TRAF2: variants seen among roughly 807,000 people sequenced by gnomAD.
TRAF2 encodes TNF receptor-associated factor 2.
TRAF2 carries 6 observed loss-of-function variants against 55.6 expected under a neutral mutation model. The ratio of observed to expected loss-of-function variants is 0.11; its 90% CI spans 0.06 to 0.21. TRAF2 has a LOEUF of 0.21. Among genes scored for constraint, TRAF2 ranks in the 10% least tolerant of loss-of-function variants. TRAF2 has a pLI of 1.00. For synonymous variants in TRAF2, 329 were observed against 276.3 expected (o/e 1.19, Z -1.89); for missense variants, 561 against 684.5 (o/e 0.82, Z 2.01).
intron 7 of TRAF2, among the ~76,000 whole-genome samples, chr9:136,917,848 C>T (rs1244313345): frequency 2.6e-5 from 4 of 152,092 alleles, no homozygotes; most frequent in Non-Finnish European, 1.5e-5. Context: ...CCCAGGCTTC[C>T]CGTGCGGGAG....
At chr9:136,886,362 T>C (rs2131267540), upstream of TRAF2, 14 of 981,152 alleles carry the variant, frequency 1.4e-5, no homozygotes, top group South Asian at 6.4e-4. Context: ...CGTCAGTCCG[T>C]CAGGCGCGCT....
chr9:136,908,454 G>A (rs755502890), intron 5 of TRAF2, among the ~76,000 whole-genome samples: 12 of 152,258 alleles, frequency 7.9e-5, no homozygotes, highest in Non-Finnish European at 1.2e-4. Context: ...CGGGCACGGC[G>A]GCTCACGCCT....
intron 2 of TRAF2, 118 bp from the exon 3 acceptor site, chr9:136,899,476 T>C: frequency 1.2e-6 from 1 of 848,450 alleles, no homozygotes; most frequent in South Asian, 1.7e-5. Context: ...TTGGTTTCAC[T>C]AAGGATGAGA....
intron 10 of TRAF2, among the ~76,000 whole-genome samples, 157 bp downstream of exon 10, chr9:136,924,157 G>T (rs369484663): frequency 6.6e-6 from 1 of 152,188 alleles, no homozygotes; most frequent in Non-Finnish European, 1.5e-5. Flanking sequence ...TGTGTCACGC[G>T]GTGGAGAGCT....
chr9:136,897,545 AG>A (rs1467918791), intron 1 of TRAF2, among the ~76,000 whole-genome samples: 1 of 150,520 alleles, frequency 6.6e-6, no homozygotes, highest in African/African-American at 2.5e-5. Context: ...TGGTAGCTAA[AG>A]GGAATGCACT....
Position 136,910,010 on chromosome 9 carries a change from C to G in TRAF2, c.603+16C>G. The G allele has an allele frequency of 6.2e-7, 1 of 1,612,276 alleles. No individual in the cohort carries two copies. ...CCGGGAGAAGGTGAGTGTCCTTCAC[C>G]TCCTTGGAGGACCGCAGGGCGGGGC... On this transcript the variant is annotated intron_variant, in intron 6 of 10. Coordinates refer to ENST00000247668, the MANE Select transcript of TRAF2 (RefSeq NM_021138.4).
rs758330945 is a variant in TRAF2, at chr9:136,926,002, G to A, written c.*101G>A. 4 of 1,457,832 alleles carry A rather than the reference G, an allele frequency of 2.7e-6. No homozygotes were observed. The South Asian group carries it at 4.6e-5, about 17-fold the overall frequency. 90.3% of individuals were successfully genotyped at this position (1,457,832 alleles called of 1,614,324 possible). A position where few individuals can be genotyped will look rare whatever the true frequency, so the allele number is the denominator to read the frequency against. ...AGGGTCTCACTGTACAAGTGGGCAG[G>A]GGCCGCGCTTGGGCGCTTGGGAGGG... On this transcript the variant is annotated 3_prime_UTR_variant, in exon 11 of 11. Transcript: ENST00000247668.
At position 136,926,223 on chromosome 9, in the gene TRAF2, G is replaced by T. The variant is rs1000376099; in HGVS notation, c.*322G>T. 2.1e-6 allele frequency: 1 copy of T among 470,042 alleles called. No homozygotes were observed. The highest frequency in any genetic ancestry group is 4.0e-6 in the Non-Finnish European group (1 of 246,954). The allele number at this position is 470,042 out of a possible 1,614,324, so 29.1% of individuals were successfully genotyped here. On this transcript the variant is annotated 3_prime_UTR_variant, in exon 11 of 11. Coordinates refer to ENST00000247668, the MANE Select transcript of TRAF2 (RefSeq NM_021138.4). ...AGTGAAGGGAGAGGCCCTGGGTGGGGGACACTCAGAGTGGGAGCACATCCC... is the reference window on the plus strand; with the variant it reads ...AGTGAAGGGAGAGGCCCTGGGTGGGTGACACTCAGAGTGGGAGCACATCCC...
At chr9:136,924,723 C>T (rs1047508647) in intron 10 of TRAF2, among the ~76,000 whole-genome samples, 9 of 152,130 alleles carry the variant, frequency 5.9e-5, no homozygotes, top group East Asian at 1.9e-4. Flanking sequence ...GAGCCCTCTT[C>T]GTCGGAGGTG....
intron 6 of TRAF2, among the ~76,000 whole-genome samples, chr9:136,910,741 G>A (rs1481749316): frequency 6.6e-6 from 1 of 152,238 alleles, no homozygotes; most frequent in East Asian, 1.9e-4. Flanking sequence ...CCTGACAGGT[G>A]TGTGCCTGTC....
chr9:136,896,054 C>T (rs1429434018), intron 1 of TRAF2, among the ~76,000 whole-genome samples: 1 of 152,092 alleles, frequency 6.6e-6, no homozygotes, highest in Non-Finnish European at 1.5e-5. Flanking sequence ...ACCTCTTTCC[C>T]AGGTTGCTCT....
chr9:136,897,758 G>T (rs1055426809), intron 1 of TRAF2, among the ~76,000 whole-genome samples: 7 of 144,786 alleles, frequency 4.8e-5, no homozygotes, highest in African/African-American at 7.8e-5. Flanking sequence ...GGAACCCGTG[G>T]TAGCTAAAGG....
upstream of TRAF2, among the ~76,000 whole-genome samples, chr9:136,884,914 G>C (rs1849417360): frequency 6.6e-6 from 1 of 152,232 alleles, no homozygotes; most frequent in African/African-American, 2.4e-5. Flanking sequence ...GAGCCTCCCA[G>C]GTGCAGCCAG....
Position 136,920,479 on chromosome 9 carries a change from G to T in TRAF2, c.924G>T (p.Arg308=), listed in dbSNP as rs17244166. The T allele has an allele frequency of 1.2e-3, 1,981 of 1,613,354 alleles. 14 individuals carry two copies. In the African/African-American group the frequency reaches 0.023, roughly 19 times the overall value. The part of the protein sequence containing the change: ...MTAEACSRQH[R]LDQDKIEALS... The stretch of plus-strand genomic sequence containing the variant: ...CCGAGGCCTGCAGCCGGCAGCACCG[G>T]CTGGACCAAGACAAGATTGAAGCCC... The change falls in exon 8 of 11, where the codon CGG becomes CGT. Residue 308 remains arginine (R), a synonymous_variant. Coordinates refer to ENST00000247668, the MANE Select transcript of TRAF2 (RefSeq NM_021138.4).
chr9:136,911,566 T>C (rs1002645700), intron 6 of TRAF2, among the ~76,000 whole-genome samples: 6 of 151,904 alleles, frequency 3.9e-5, no homozygotes, highest in Non-Finnish European at 7.4e-5. Context: ...CCCCAGCCCA[T>C]TGCATCTTTA....
intron 6 of TRAF2, among the ~76,000 whole-genome samples, chr9:136,914,300 A>G (rs565044812): frequency 6.6e-6 from 1 of 152,064 alleles, no homozygotes; most frequent in Admixed American, 6.5e-5. Flanking sequence ...CACCTACCCT[A>G]CCTGGGCGAT....
chr9:136,906,850 G>C (rs562389940), intron 4 of TRAF2, among the ~76,000 whole-genome samples: 1 of 152,136 alleles, frequency 6.6e-6, no homozygotes, highest in Non-Finnish European at 1.5e-5. Context: ...CCTCTCTCCC[G>C]TTACACTAGC....
At chr9:136,884,229 T>C (rs1245699907), upstream of TRAF2, among the ~76,000 whole-genome samples, 3 of 150,844 alleles carry the variant, frequency 2.0e-5, no homozygotes, top group African/African-American at 4.9e-5. Flanking sequence ...ATTACAGGCA[T>C]GAGCCGCCGT....
intron 5 of TRAF2, among the ~76,000 whole-genome samples, chr9:136,908,851 CAG>C (rs1850023968): frequency 1.5e-5 from 2 of 129,106 alleles, no homozygotes; most frequent in African/African-American, 3.0e-5. Context: ...GCCCAGGCGA[CAG>C]AGCGAGATTC....
Sources: allele counts gnomAD v4.1 joint callset (sites outside exome capture counted in the v4.1 genomes callset), GRCh38; gene constraint gnomAD v4.1.1; transcripts MANE v1.5; gene names NCBI Gene and HGNC (gene_info 2026-07-23, HGNC 2026-07-21).